The following TMEM132D variants were observed in gnomAD, a reference collection of about 807,000 sequenced individuals.
TMEM132D encodes the protein transmembrane protein 132D.
Under a neutral mutation model 62.3 loss-of-function variants are expected in TMEM132D, and 21 were observed. The observed-to-expected ratio is 0.34, with a 90% confidence interval of 0.24 to 0.49. The LOEUF (loss-of-function observed/expected upper bound fraction) is 0.49, where lower values mean the gene tolerates loss of function less well. TMEM132D is among the 20% of genes least tolerant of loss of function. The probability of loss-of-function intolerance (pLI) is 0.99; values close to 1 mark genes in which losing one functional copy is unlikely to be tolerated. For synonymous variants in TMEM132D, 621 were observed against 575.6 expected, an observed-to-expected ratio of 1.08 and a Z score of -1.13; for missense variants, 1,346 against 1,402.8, an observed-to-expected ratio of 0.96 and a Z score of 0.65.
At chr12:129,692,839 G>T (rs1001296569) in intron 2 of TMEM132D, among the ~76,000 whole-genome samples, 1 of 152,012 alleles carries the variant, frequency 6.6e-6, no homozygotes, top group Admixed American at 6.6e-5. Flanking sequence ...ATTCACTGGG[G>T]CCTGTCGGGG....
At chr12:129,584,769 C>T (rs184559371) in intron 2 of TMEM132D, among the ~76,000 whole-genome samples, 41 of 152,302 alleles carry the variant, frequency 2.7e-4, no homozygotes, top group African/African-American at 9.6e-4. Context: ...CTGGCATGTT[C>T]TCAGACAGTG....
At chr12:129,230,481 T>TG (rs1879607763) in intron 4 of TMEM132D, among the ~76,000 whole-genome samples, 1 of 152,256 alleles carries the variant, frequency 6.6e-6, no homozygotes, top group Non-Finnish European at 1.5e-5. Context: ...TGTAGCTCTG[T>TG]GATCAAGATT....
At chr12:129,412,658 C>A (rs1872002228) in intron 3 of TMEM132D, among the ~76,000 whole-genome samples, 2 of 152,114 alleles carry the variant, frequency 1.3e-5, no homozygotes, top group African/African-American at 2.4e-5. Context: ...AGTTTGAGAC[C>A]AGTCTGGTCA....
intron 1 of TMEM132D, among the ~76,000 whole-genome samples, chr12:129,849,632 G>A (rs1024308458): frequency 2.0e-5 from 3 of 152,152 alleles, no homozygotes; most frequent in African/African-American, 7.2e-5. Context: ...TGGTCACCCC[G>A]TGACTGTTGC....
At chr12:129,244,042 C>T (rs1251823000) in intron 4 of TMEM132D, among the ~76,000 whole-genome samples, 1 of 152,110 alleles carries the variant, frequency 6.6e-6, no homozygotes, top group Non-Finnish European at 1.5e-5. Context: ...GATAGTCATT[C>T]TTCCAAGGAC....
intron 5 of TMEM132D, among the ~76,000 whole-genome samples, chr12:129,147,979 C>G (rs1049973273): frequency 9.9e-5 from 15 of 152,176 alleles, no homozygotes; most frequent in Non-Finnish European, 2.9e-5. Flanking sequence ...GCCATGGGCA[C>G]CTGCAGAGCC....
chr12:129,081,708 G>C (rs2135615495), intron 7 of TMEM132D, 51 bp downstream of exon 7: 1 of 1,532,858 alleles, frequency 6.5e-7, no homozygotes, highest in South Asian at 1.3e-5. Context: ...GTAGAGCAGA[G>C]GTGGGAAGAC....
At chr12:129,325,250 G>A (rs1422198469) in intron 4 of TMEM132D, among the ~76,000 whole-genome samples, 3 of 152,148 alleles carry the variant, frequency 2.0e-5, no homozygotes, top group Non-Finnish European at 2.9e-5. Context: ...GGGATCAGAC[G>A]CTGGACAGAA....
At chr12:129,125,670 TTC>T (rs891269724) in intron 5 of TMEM132D, among the ~76,000 whole-genome samples, 4 of 149,262 alleles carry the variant, frequency 2.7e-5, no homozygotes, top group African/African-American at 1.0e-4. Flanking sequence ...CTTTTCTTTT[TTC>T]TTTTTTTTTT....
chr12:129,155,045 A>AG (rs1474836623), intron 5 of TMEM132D, among the ~76,000 whole-genome samples: 5 of 152,246 alleles, frequency 3.3e-5, no homozygotes, highest in African/African-American at 1.2e-4. Context: ...TGTTTCATAG[A>AG]TGTGCTGTGC....
chr12:129,653,880 T>A (rs1247167904), intron 2 of TMEM132D, among the ~76,000 whole-genome samples: 1 of 152,226 alleles, frequency 6.6e-6, no homozygotes, highest in African/African-American at 2.4e-5. Flanking sequence ...TATTCACGTT[T>A]CTTCCATTTT....
At chr12:129,810,951 C>T (rs1016507503) in intron 1 of TMEM132D, among the ~76,000 whole-genome samples, 8 of 152,010 alleles carry the variant, frequency 5.3e-5, no homozygotes, top group Middle Eastern at 6.9e-3. Flanking sequence ...TTCAAAGTAA[C>T]AGGAAAGTTA....
rs747370024 is a variant in TMEM132D, at chr12:129,699,972, C to T, written c.806G>A (p.Ser269Asn). The T allele has an allele frequency of 3.7e-6, 6 of 1,614,004 alleles. No homozygotes were observed. The highest frequency in any genetic ancestry group is 5.1e-6 in the Non-Finnish European group (6 of 1,180,038). ...ESGPPLQRIGSIFLYQTHRKP... is the reference protein window; with the variant it reads ...ESGPPLQRIGNIFLYQTHRKP... ...CCTGTGTGTCTGATAAAGGAAGATG[C>T]TCCCGATCCTCTGCAAGGGGGGCCC... The change falls in exon 2 of 9, where the codon AGC becomes AAC. Residue 269 changes from serine to asparagine, a missense_variant. By Grantham distance (46) the Ser-to-Asn change is conservative (BLOSUM62 1). Transcript: ENST00000422113.
intron 4 of TMEM132D, among the ~76,000 whole-genome samples, chr12:129,228,612 G>A (rs1342832950): frequency 6.6e-6 from 1 of 152,130 alleles, no homozygotes; most frequent in Non-Finnish European, 1.5e-5. Flanking sequence ...CGAATCATGT[G>A]ATGTGTGGTC....
At chr12:129,901,500 T>C (rs1875349967) in intron 1 of TMEM132D, among the ~76,000 whole-genome samples, 1 of 152,224 alleles carries the variant, frequency 6.6e-6, no homozygotes, top group Non-Finnish European at 1.5e-5. Context: ...TTTTGAACTG[T>C]CTGGCTGACT....
chr12:129,770,598 C>T (rs1870711305), intron 1 of TMEM132D, among the ~76,000 whole-genome samples: 1 of 152,152 alleles, frequency 6.6e-6, no homozygotes, highest in Admixed American at 6.5e-5. Context: ...AATAGGGCTA[C>T]CTCCTGTTAC....
At chr12:129,828,301 C>CTCCAACTGCAA (rs1872715101) in intron 1 of TMEM132D, among the ~76,000 whole-genome samples, 1 of 152,024 alleles carries the variant, frequency 6.6e-6, no homozygotes, top group African/African-American at 2.4e-5. Flanking sequence ...TTTGCTTCTC[C>CTCCAACTGCAA]ATTACATAAA....
At chr12:129,271,194 A>AG (rs1330059679) in intron 4 of TMEM132D, among the ~76,000 whole-genome samples, 1 of 151,982 alleles carries the variant, frequency 6.6e-6, no homozygotes, top group Non-Finnish European at 1.5e-5. Context: ...GGGATTTGTT[A>AG]GGAAAAAAAA....
At chr12:129,877,592 A>G (rs1874460141) in intron 1 of TMEM132D, among the ~76,000 whole-genome samples, 1 of 150,760 alleles carries the variant, frequency 6.6e-6, no homozygotes, top group Non-Finnish European at 1.5e-5. Context: ...AATAATACCT[A>G]TTAACCAAAC....
Sources: gnomAD v4.1 joint callset for allele counts (sites outside exome capture counted in the v4.1 genomes callset) on GRCh38, gnomAD v4.1.1 for gene constraint, MANE v1.5 for transcripts, NCBI Gene and HGNC (gene_info 2026-07-23, HGNC 2026-07-21) for gene names.